Variants in ADGRD1 observed in about 807,000 individuals in gnomAD.
The protein encoded by ADGRD1 is G-protein coupled receptor 133.
Under a neutral mutation model 113.4 loss-of-function variants are expected in ADGRD1, and 77 were observed. That is an observed-to-expected ratio of 0.68 (90% CI 0.57 to 0.82). ADGRD1 has a LOEUF of 0.82. Among genes scored for constraint, ADGRD1 ranks in the 40% least tolerant of loss-of-function variants. The pLI is 0.00. For synonymous variants in ADGRD1, 474 were observed against 475.0 expected (o/e 1.00, Z 0.03); for missense variants, 1,036 against 1,139.1 (o/e 0.91, Z 1.30).
intron 8 of ADGRD1, among the ~76,000 whole-genome samples, chr12:131,000,015 A>T (rs759329324): frequency 6.6e-6 from 1 of 152,152 alleles, no homozygotes; most frequent in Non-Finnish European, 1.5e-5. Flanking sequence ...TCGCCCCAAG[A>T]AAAGCGCATC....
At chr12:131,011,834 A>C (rs1877941976) in intron 12 of ADGRD1, among the ~76,000 whole-genome samples, 1 of 152,222 alleles carries the variant, frequency 6.6e-6, no homozygotes. Context: ...CACTGGGCAC[A>C]GAGAGTGAGA....
chr12:130,979,011 C>A (rs1872654778), intron 4 of ADGRD1, among the ~76,000 whole-genome samples: 1 of 151,988 alleles, frequency 6.6e-6, no homozygotes, highest in South Asian at 2.1e-4. Flanking sequence ...GTTGTCCTGG[C>A]TTCTGTACCC....
chr12:131,001,438 C>G (rs767814142), intron 9 of ADGRD1, among the ~76,000 whole-genome samples: 2 of 152,174 alleles, frequency 1.3e-5, no homozygotes, highest in African/African-American at 2.4e-5. Context: ...GTCTAGTTTT[C>G]AATTCACTTA....
chr12:130,992,352 G>A lies in ADGRD1; in HGVS notation c.926G>A (p.Ser309Asn), dbSNP rs747226478. The A allele has an allele frequency of 1.2e-6, 2 of 1,613,802 alleles. No homozygotes were observed. Among genetic ancestry groups the A allele is most frequent in the African/African-American group, 1.3e-5 (1 of 75,000 alleles). Residue 309 changes from serine (S) to asparagine (N), a missense_variant, in exon 8 of 25, where the codon AGT becomes AAT. By Grantham distance (46) the Ser-to-Asn change is conservative (BLOSUM62 1). Coordinates refer to ENST00000261654, the MANE Select transcript of ADGRD1 (RefSeq NM_198827.5). ...YLQNVSLSLP[S>N]KSLSEQTALN... is the part of the protein sequence containing the mutation. ...CAAAATGTATCCCTCAGCTTACCCA[G>A]TAAGTCCCTCTCGGAGCAGACAGCC...
At position 131,076,766 on chromosome 12, in the gene ADGRD1, G is replaced by A. The variant is rs747149737; in HGVS notation, c.1474-35G>A. 3 of 1,593,928 alleles carry A rather than the reference G, an allele frequency of 1.9e-6. No individual in the cohort carries two copies. In the South Asian group the frequency reaches 3.3e-5, roughly 18 times the overall value. On this transcript the variant is annotated intron_variant, in intron 13 of 24. Coordinates refer to ENST00000261654, the MANE Select transcript of ADGRD1 (RefSeq NM_198827.5). ...CTGAGAACCAGGGGCCTCTTCAGCAGCGTCATGCATCGTGTTTGCTTTCTT... is the reference window on the plus strand; with the variant it reads ...CTGAGAACCAGGGGCCTCTTCAGCAACGTCATGCATCGTGTTTGCTTTCTT...
At position 131,003,800 on chromosome 12, in the gene ADGRD1, G is replaced by A. The variant is rs1340572781; in HGVS notation, c.1145-386G>A. Among the ~76,000 whole-genome samples the A allele has an allele frequency of 6.6e-6, 1 of 152,238 alleles. No homozygotes were observed. Among genetic ancestry groups the A allele is most frequent in the Non-Finnish European group, 1.5e-5 (1 of 68,034 alleles). On this transcript the variant is annotated intron_variant, in intron 10 of 24. Coordinates refer to ENST00000261654, the MANE Select transcript of ADGRD1 (RefSeq NM_198827.5). The surrounding 1 kb of genome is among the most constrained non-coding windows in gnomAD (Gnocchi z 4.8). ...GGGAAAATGGGCTGAAGCTACAGGG[G>A]TTAGTTTAGTCGCAGTTTGTTGGCC...
chr12:130,996,379 G>A (rs1391759372), intron 8 of ADGRD1, among the ~76,000 whole-genome samples: 1 of 124,730 alleles, frequency 8.0e-6, no homozygotes, highest in Non-Finnish European at 1.8e-5. Flanking sequence ...CTCACCTCCT[G>A]GACGGGGCGG....
intron 9 of ADGRD1, chr12:131,002,395 AT>A (rs1876498677): frequency 2.4e-6 from 1 of 424,992 alleles, no homozygotes; most frequent in Non-Finnish European, 3.1e-6. Flanking sequence ...AAAAGCAAAT[AT>A]CTAAAATTGG....
intron 16 of ADGRD1, 55 bp from the exon 17 acceptor site, chr12:131,105,699 C>G (rs879856733): frequency 2.1e-6 from 3 of 1,414,630 alleles, no homozygotes; most frequent in Non-Finnish European, 2.9e-6. Context: ...GGAGCCCAGC[C>G]TGGGGGACTG....
intron 13 of ADGRD1, among the ~76,000 whole-genome samples, chr12:131,020,547 C>T (rs553345411): frequency 2.0e-5 from 3 of 152,362 alleles, no homozygotes; most frequent in South Asian, 2.1e-4. Flanking sequence ...AAAAGGAGGT[C>T]TGTAAGCTGA....
intron 13 of ADGRD1, among the ~76,000 whole-genome samples, chr12:131,061,858 T>C (rs1040621578): frequency 6.6e-6 from 1 of 152,256 alleles, no homozygotes; most frequent in Non-Finnish European, 1.5e-5. Flanking sequence ...TTTGTCATTA[T>C]GACAGTGGTC....
chr12:131,131,950 C>T lies in ADGRD1; in HGVS notation c.2267+134C>T, dbSNP rs1950940984. 9 of 666,392 alleles carry T rather than the reference C, an allele frequency of 1.4e-5. No homozygotes were observed. In the Admixed American group the frequency reaches 1.9e-4, roughly 14 times the overall value. The allele number at this position is 666,392 out of a possible 1,614,324, so 41.3% of individuals were successfully genotyped here. On this transcript the variant is annotated intron_variant, in intron 21 of 24. Transcript: ENST00000261654. ...GTCCTCCACTTGCTCCGTGTCCCTG[C>T]CATCTCAGGGCAGCTCTGGTTTCAC...
At chr12:131,064,263 AT>A (rs1403587839) in intron 13 of ADGRD1, among the ~76,000 whole-genome samples, 1 of 152,234 alleles carries the variant, frequency 6.6e-6, no homozygotes, top group Non-Finnish European at 1.5e-5. Flanking sequence ...GGAAGAAACC[AT>A]TCTGTCTTCG....
intron 19 of ADGRD1, among the ~76,000 whole-genome samples, chr12:131,120,051 G>C (rs553908970): frequency 6.6e-6 from 1 of 152,318 alleles, no homozygotes; most frequent in African/African-American, 2.4e-5. Context: ...AGATGATGGA[G>C]TTTGTTGTGC....
In ADGRD1 at chr12:131,084,844, T is replaced by C. The variant is rs1409885076; in HGVS notation, c.1671+181T>C. Among the ~76,000 whole-genome samples, 2 of 152,200 alleles carry C rather than the reference T, an allele frequency of 1.3e-5. No homozygotes were observed. Among genetic ancestry groups the C allele is most frequent in the Non-Finnish European group, 2.9e-5 (2 of 68,028 alleles). ...CTGTAGTCCAGGGTCCTGCATGTAT[T>C]GGGTGCCAGCAAATATCCGAGGAGC... On this transcript the variant is annotated intron_variant, in intron 15 of 24. Transcript: ENST00000261654. This position sits in a 1 kb window ranked among gnomAD's most constrained non-coding sequence, Gnocchi z 4.5.
chr12:131,086,035 C>T (rs1886438226), intron 15 of ADGRD1, among the ~76,000 whole-genome samples: 1 of 152,164 alleles, frequency 6.6e-6, no homozygotes, highest in South Asian at 2.1e-4. Flanking sequence ...GCACCAAGCT[C>T]AGGTGGTTCC....
chr12:131,099,951 C>G (rs1950031570), intron 15 of ADGRD1, among the ~76,000 whole-genome samples: 1 of 151,774 alleles, frequency 6.6e-6, no homozygotes, highest in Admixed American at 6.6e-5. Context: ...GGGGTTGGTT[C>G]ATGGTGGGGT....
intron 2 of ADGRD1, among the ~76,000 whole-genome samples, chr12:130,959,230 T>C (rs925802034): frequency 6.6e-6 from 1 of 152,326 alleles, no homozygotes; most frequent in African/African-American, 2.4e-5. Flanking sequence ...TTTCTTGTTT[T>C]CTGATTCTGG....
intron 21 of ADGRD1, among the ~76,000 whole-genome samples, chr12:131,132,097 G>C (rs1306686172): frequency 6.6e-6 from 1 of 152,212 alleles, no homozygotes; most frequent in Non-Finnish European, 1.5e-5. Context: ...GTGATGAGCA[G>C]CTGGGGGGCG....
Sources: allele counts gnomAD v4.1 joint callset (sites outside exome capture counted in the v4.1 genomes callset), GRCh38; gene constraint gnomAD v4.1.1; non-coding constraint Gnocchi (gnomAD v3.1); transcripts MANE v1.5; gene names NCBI Gene and HGNC (gene_info 2026-07-23, HGNC 2026-07-21).